Variants in FLII observed in about 807,000 individuals in gnomAD.
FLII encodes protein flightless-1 homolog.
Under a neutral mutation model 156.2 loss-of-function variants are expected in FLII, and 101 were observed. The ratio of observed to expected loss-of-function variants is 0.65; its 90% CI spans 0.55 to 0.76. The LOEUF (loss-of-function observed/expected upper bound fraction) is 0.76, where lower values mean the gene tolerates loss of function less well. Among genes scored for constraint, FLII ranks in the 30% least tolerant of loss-of-function variants. FLII has a pLI of 0.00. For missense variants in FLII, 1,675 were observed against 1,682.8 expected, an observed-to-expected ratio of 1.00 and a Z score of 0.08; for synonymous variants, 767 against 685.8, an observed-to-expected ratio of 1.12 and a Z score of -1.85.
Position 18,252,198 on chromosome 17 carries a change from G to A in FLII, c.1099-52C>T, listed in dbSNP as rs573257348. 26 of 1,516,586 alleles carry A rather than the reference G, an allele frequency of 1.7e-5. No individual in the cohort carries two copies. The African/African-American group carries it at 2.7e-4, about 16-fold the overall frequency. The allele number at this position is 1,516,586 out of a possible 1,614,324, so 93.9% of individuals were successfully genotyped here. ...CACTGAGCCTGGGTCCTACCTCCCA[G>A]ACACACCAATCCAGTTTCTTGCTCT... is the stretch of plus-strand genomic sequence containing the variant. On this transcript the variant is annotated intron_variant, in intron 10 of 29. Transcript: ENST00000327031.
chr17:18,251,875 G>T (rs1301333713), intron 11 of FLII, 59 bp from the exon 12 acceptor site: 3 of 1,609,236 alleles, frequency 1.9e-6, no homozygotes, highest in Admixed American at 1.7e-5. Flanking sequence ...TTGGGCATGC[G>T]ACCAACCAGG....
intron 20 of FLII, 46 bp from the exon 21 acceptor site, chr17:18,247,403 A>G (rs1364407176): frequency 6.5e-7 from 1 of 1,535,348 alleles, no homozygotes; most frequent in Non-Finnish European, 8.8e-7. Flanking sequence ...CGGCATGATT[A>G]GAGTTGGAGG....
chr17:18,247,162 C>A lies in FLII; in HGVS notation c.2676+7G>T. On this transcript the variant is annotated splice_region_variant and intron_variant, in intron 21 of 29. Transcript: ENST00000327031. ...CCCCCGCGCCCCGGTCCCGGCCCTG[C>A]CCCCACCTCGGCCAGCGACATGGGC... The A allele has an allele frequency of 6.6e-7, 1 of 1,506,230 alleles. No individual in the cohort carries two copies. Among genetic ancestry groups the A allele is most frequent in the South Asian group, 1.2e-5 (1 of 84,502 alleles). The allele number at this position is 1,506,230 out of a possible 1,614,324, so 93.3% of individuals were successfully genotyped here.
chr17:18,247,124 C>T, intron 21 of FLII, 45 bp downstream of exon 21: 4 of 622,120 alleles, frequency 6.4e-6, no homozygotes, highest in South Asian at 3.8e-5. Flanking sequence ...CCTCGGCCTG[C>T]CCCCCACCCC....
At position 18,249,065 on chromosome 17, in the gene FLII, C is replaced by A. The variant is rs1872205174; in HGVS notation, c.1934+62G>T. On this transcript the variant is annotated intron_variant, in intron 16 of 29. Transcript: ENST00000327031. ...TCCTCTTCTAAGAGGCCCACACCTG[C>A]CCCCACTGGTGGGGAGGAGGCTGAG... The A allele has an allele frequency of 8.4e-5, 124 of 1,477,550 alleles. No individual in the cohort carries two copies. In the South Asian group the frequency reaches 1.3e-3, roughly 16 times the overall value. 91.5% of individuals were successfully genotyped at this position (1,477,550 alleles called of 1,614,324 possible). A position where few individuals can be genotyped will look rare whatever the true frequency, so the allele number is the denominator to read the frequency against.
In FLII at chr17:18,258,617, GC is replaced by G. The variant is rs2048502031; in HGVS notation, c.63+10del. 6.4e-7 allele frequency: 1 copy of G among 1,554,670 alleles called. No individual in the cohort carries two copies. The highest frequency in any genetic ancestry group is 8.6e-7 in the Non-Finnish European group (1 of 1,160,110). ...TGCAGGGAGGCCCGGCACGCGCCCGGCCCGGCTCACCTTGAAGTCGTTGCCG... is the reference window on the plus strand; with the variant it reads ...TGCAGGGAGGCCCGGCACGCGCCCGGCCGGCTCACCTTGAAGTCGTTGCCG... On this transcript the variant is annotated intron_variant, in intron 1 of 29. Transcript: ENST00000327031. The surrounding 1 kb of genome is among the most constrained non-coding windows in gnomAD (Gnocchi z 4.2).
rs1247988885 is a variant in FLII, at chr17:18,251,808, C to T, written c.1255G>A (p.Gly419Arg). The T allele has an allele frequency of 6.2e-7, 1 of 1,613,762 alleles. No individual in the cohort carries two copies. The highest frequency in any genetic ancestry group is 8.5e-7 in the Non-Finnish European group (1 of 1,180,020). Residue 419 changes from glycine to arginine, a missense_variant, in exon 12 of 30, where the codon GGG becomes AGG. Gly to Arg is a moderately radical substitution (Grantham distance 125). Around this residue, in one of 2 missense-constraint regions of FLII, gnomAD observed 1,332 missense variants for 1,269.3 expected, o/e 1.05. Transcript: ENST00000327031. ...TVAAAAAAGSGPKDPMARKMR... is the reference protein window; with the variant it reads ...TVAAAAAAGSRPKDPMARKMR... ...TTGCGAGCCATAGGGTCCTTGGGCCCACTCCCTGCTTAGGGGAGGGGCAAA... is the reference window on the plus strand; with the variant it reads ...TTGCGAGCCATAGGGTCCTTGGGCCTACTCCCTGCTTAGGGGAGGGGCAAA...
chr17:18,256,193 C>G (rs1176051854), intron 3 of FLII, among the ~76,000 whole-genome samples: 1 of 152,248 alleles, frequency 6.6e-6, no homozygotes, highest in Non-Finnish European at 1.5e-5. Context: ...TAGTGGAGGG[C>G]TAGAGCATAT....
At chr17:18,247,398 T>G (rs371698596) in intron 20 of FLII, 41 bp from the exon 21 acceptor site, 2 of 1,543,198 alleles carry the variant, frequency 1.3e-6, no homozygotes, top group Admixed American at 1.9e-5. Flanking sequence ...GGGTGCGGCA[T>G]GATTAGAGTT....
intron 14 of FLII, among the ~76,000 whole-genome samples, chr17:18,250,556 C>T (rs1469262326): frequency 6.6e-6 from 1 of 152,308 alleles, no homozygotes; most frequent in African/African-American, 2.4e-5. Flanking sequence ...CCTGTGTCAG[C>T]CCACTGGTCT....
intron 1 of FLII, 81 bp from the exon 2 acceptor site, chr17:18,257,100 G>T: frequency 1.2e-6 from 1 of 854,030 alleles, no homozygotes; most frequent in Non-Finnish European, 1.9e-6. Flanking sequence ...GGAGCCTTTG[G>T]GGAGCCACAG....
rs2048506852 is a variant in FLII, at chr17:18,258,724, A to G, written c.-34T>C. On this transcript the variant is annotated 5_prime_UTR_variant, in exon 1 of 30. Transcript: ENST00000327031. This position sits in a 1 kb window ranked among gnomAD's most constrained non-coding sequence, Gnocchi z 4.2. ...TCTCGCTGCCGGGCCGCGCCGGGCT[A>G]GGGAGCGCCGGGGCGAGGGCGCTGG... 2 of 1,396,500 alleles carry G rather than the reference A, an allele frequency of 1.4e-6. No individual in the cohort carries two copies. The highest frequency in any genetic ancestry group is 3.0e-5 in the African/African-American group (2 of 65,974). 86.5% of individuals were successfully genotyped at this position (1,396,500 alleles called of 1,614,324 possible).
At chr17:18,249,102 C>T (rs752309537) in intron 16 of FLII, 25 bp downstream of exon 16, 1 of 1,601,888 alleles carries the variant, frequency 6.2e-7, no homozygotes, top group South Asian at 1.1e-5. Context: ...ATGAAGCACC[C>T]CCACCTCACA....
chr17:18,248,736 CAA>C lies in FLII; in HGVS notation c.2019-17_2019-16del. On this transcript the variant is annotated splice_polypyrimidine_tract_variant and intron_variant, in intron 17 of 29. Coordinates refer to ENST00000327031, the MANE Select transcript of FLII (RefSeq NM_002018.4). ...CTGCAAAGAGCCTGAGAGCAGGATG[CAA>C]AGTCATCAGCGAGGCTCACACCCCT... 1 of 1,613,974 alleles carries C rather than the reference CAA, an allele frequency of 6.2e-7. No individual in the cohort carries two copies. The highest frequency in any genetic ancestry group is 1.1e-5 in the South Asian group (1 of 91,084).
rs2047970189 is a variant in FLII, at chr17:18,244,897, C to T, written c.*241G>A. ...TAAAGGGCATCCACATCTGCTTTAT[C>T]CCTAGCGGAAGAGTGAGGGGGCTTC... On this transcript the variant is annotated 3_prime_UTR_variant, in exon 30 of 30. Coordinates refer to ENST00000327031, the MANE Select transcript of FLII (RefSeq NM_002018.4). The T allele has an allele frequency of 5.8e-6, 3 of 520,816 alleles. No individual in the cohort carries two copies. The East Asian group carries it at 8.7e-5, about 15-fold the overall frequency. 32.3% of individuals were successfully genotyped at this position (520,816 alleles called of 1,614,324 possible).
rs2048147767 is a variant in FLII at position 18,248,109 on chromosome 17, A to ACCAGC, written c.2191-81_2191-77dup. 17 of 1,016,376 alleles carry ACCAGC rather than the reference A, an allele frequency of 1.7e-5. No individual in the cohort carries two copies. The South Asian group carries it at 2.4e-4, about 14-fold the overall frequency. The allele number at this position is 1,016,376 out of a possible 1,614,324, so 63.0% of individuals were successfully genotyped here. ...CACCCACACAGCCCTCTGCTCTGGA[A>ACCAGC]CCAGCCCTGCCCTGCAGCGTGGCTC... On this transcript the variant is annotated intron_variant, in intron 18 of 29. Transcript: ENST00000327031.
In FLII at chr17:18,250,819, AATTTTAAC is replaced by A. The variant is rs1271392403; in HGVS notation, c.1776+11_1776+18del. ...TGGGAACCCCACTCTGCCCACCCCC[AATTTTAAC>A]GGGCTGGCACCTGCAGGAACTCCTC... On this transcript the variant is annotated intron_variant, in intron 14 of 29. Coordinates refer to ENST00000327031, the MANE Select transcript of FLII (RefSeq NM_002018.4). The A allele has an allele frequency of 6.3e-7, 1 of 1,598,716 alleles. No individual in the cohort carries two copies. Among genetic ancestry groups the A allele is most frequent in the Non-Finnish European group, 8.6e-7 (1 of 1,169,366 alleles).
rs925664369 is a variant in FLII at position 18,258,419 on chromosome 17, G to T, written c.63+209C>A. 1.4e-6 allele frequency: 2 copies of T among 1,430,996 alleles called. No individual in the cohort carries two copies. The highest frequency in any genetic ancestry group is 1.9e-6 in the Non-Finnish European group (2 of 1,070,388). The allele number at this position is 1,430,996 out of a possible 1,614,324, so 88.6% of individuals were successfully genotyped here. ...ACTCCGAGCCCAAGCGTCCGTCCCC[G>T]GCCTGCCCAGCCTCGGTCTCCCCGT... On this transcript the variant is annotated intron_variant, in intron 1 of 29. Coordinates refer to ENST00000327031, the MANE Select transcript of FLII (RefSeq NM_002018.4). This position sits in a 1 kb window ranked among gnomAD's most constrained non-coding sequence, Gnocchi z 4.2.
At chr17:18,248,128 G>A in intron 18 of FLII, 95 bp from the exon 19 acceptor site, 7 of 776,742 alleles carry the variant, frequency 9.0e-6, no homozygotes, top group South Asian at 5.0e-5. Flanking sequence ...GCCCTGCAGC[G>A]TGGCTCACTG....
Sources: gnomAD v4.1 joint callset for allele counts (sites outside exome capture counted in the v4.1 genomes callset) on GRCh38, gnomAD v4.1.1 for gene constraint, gnomAD v4.1.1 regional missense constraint, Gnocchi (gnomAD v3.1) non-coding constraint, MANE v1.5 for transcripts, NCBI Gene and HGNC (gene_info 2026-07-23, HGNC 2026-07-21) for gene names.